CEP162: variants seen among roughly 807,000 people sequenced by gnomAD.
The protein encoded by CEP162 is centrosomal protein 162.
Under a neutral mutation model 169.2 loss-of-function variants are expected in CEP162, and 141 were observed. The observed-to-expected ratio is 0.83, with a 90% CI of 0.73 to 0.96. CEP162 has a LOEUF of 0.96. Among genes scored for constraint, CEP162 ranks in the 40% least tolerant of loss-of-function variants. CEP162 has a pLI of 0.00. For missense variants in CEP162, 1,600 were observed against 1,587.2 expected, an observed-to-expected ratio of 1.01 and a Z score of -0.14; for synonymous variants, 540 against 526.4, an observed-to-expected ratio of 1.03 and a Z score of -0.35.
intron 25 of CEP162, among the ~76,000 whole-genome samples, chr6:84,139,631 T>G (rs1280659123): frequency 6.6e-6 from 1 of 152,146 alleles, no homozygotes; most frequent in African/African-American, 2.4e-5. Context: ...AGGTAAGAAT[T>G]CTTACCAAAC....
At chr6:84,128,038 T>C (rs922838981) in intron 25 of CEP162, among the ~76,000 whole-genome samples, 1 of 152,224 alleles carries the variant, frequency 6.6e-6, no homozygotes, top group South Asian at 2.1e-4. Context: ...ACTCCTCACA[T>C]AAAATGTAAG....
intron 2 of CEP162, among the ~76,000 whole-genome samples, chr6:84,221,993 T>C (rs1294098268): frequency 1.3e-5 from 2 of 151,480 alleles, no homozygotes; most frequent in Admixed American, 6.6e-5. Context: ...GCATCTCCAG[T>C]GCCTAGCATA....
intron 2 of CEP162, 53 bp from the exon 3 acceptor site, chr6:84,221,224 C>A: frequency 1.1e-6 from 1 of 872,510 alleles, no homozygotes; most frequent in Non-Finnish European, 1.9e-6. Flanking sequence ...ATTCAAGAAT[C>A]TCAGATTCAT....
chr6:84,226,100 A>C (rs2099555629), intron 2 of CEP162, among the ~76,000 whole-genome samples: 1 of 151,994 alleles, frequency 6.6e-6, no homozygotes. Flanking sequence ...CTGGGGAGGA[A>C]CAGAGTCTGA....
At chr6:84,178,925 C>T (rs1165812653) in intron 13 of CEP162, among the ~76,000 whole-genome samples, 1 of 152,038 alleles carries the variant, frequency 6.6e-6, no homozygotes. Context: ...GTTTTTTGTC[C>T]TTGCGATAGT....
At chr6:84,185,584 G>T (rs1345366818) in intron 12 of CEP162, 136 bp from the exon 13 acceptor site, 3 of 716,920 alleles carry the variant, frequency 4.2e-6, no homozygotes, top group African/African-American at 1.8e-5. Flanking sequence ...CCATAGTTAA[G>T]TTCTTGAAGT....
At position 84,206,047 on chromosome 6, in the gene CEP162, C is replaced by A. The variant is rs1185182772; in HGVS notation, c.572-1951G>T. ...GGACCTCTTCAAGGAGAACTACAAACCCCTGCTCAACGAAATAAAAGAGGA... is the reference window on the plus strand; with the variant it reads ...GGACCTCTTCAAGGAGAACTACAAAACCCTGCTCAACGAAATAAAAGAGGA... On this transcript the variant is annotated intron_variant, in intron 6 of 26. Transcript: ENST00000403245. Among the ~76,000 whole-genome samples the A allele has an allele frequency of 1.2e-4, 18 of 148,102 alleles. 1 individual carries two copies. The highest frequency in any genetic ancestry group is 2.1e-4 in the Non-Finnish European group (14 of 68,002).
intron 26 of CEP162, among the ~76,000 whole-genome samples, chr6:84,125,727 A>C (rs1337444865): frequency 6.6e-6 from 1 of 152,142 alleles, no homozygotes; most frequent in Non-Finnish European, 1.5e-5. Context: ...GGCTATCTGC[A>C]AGCTGGAAAG....
At chr6:84,208,791 T>C (rs1424548857) in intron 6 of CEP162, among the ~76,000 whole-genome samples, 2 of 152,232 alleles carry the variant, frequency 1.3e-5, no homozygotes, top group Non-Finnish European at 1.5e-5. Context: ...TTTTCTAATA[T>C]CAGTAGACAT....
intron 25 of CEP162, among the ~76,000 whole-genome samples, chr6:84,135,061 C>T (rs2099513410): frequency 6.6e-6 from 1 of 151,722 alleles, no homozygotes; most frequent in Admixed American, 6.6e-5. Context: ...ACCATATCCA[C>T]AATATTTGTA....
At chr6:84,204,551 C>A (rs1047785229) in intron 6 of CEP162, among the ~76,000 whole-genome samples, 4 of 152,096 alleles carry the variant, frequency 2.6e-5, no homozygotes, top group Non-Finnish European at 5.9e-5. Flanking sequence ...ACACAACATA[C>A]CAGAATCTCT....
intron 21 of CEP162, among the ~76,000 whole-genome samples, chr6:84,157,595 G>C (rs9449810): frequency 0.016 from 2,405 of 152,066 alleles, 59 homozygotes; most frequent in African/African-American, 0.053. Context: ...GAACTGCTTG[G>C]ACCCAGGAGG....
intron 25 of CEP162, among the ~76,000 whole-genome samples, chr6:84,128,856 C>T (rs1289144471): frequency 6.6e-6 from 1 of 151,674 alleles, no homozygotes; most frequent in African/African-American, 2.4e-5. Flanking sequence ...CCCAACCCCC[C>T]GACAGGCCCC....
At chr6:84,188,967 T>C (rs992216479) in intron 11 of CEP162, among the ~76,000 whole-genome samples, 7 of 152,190 alleles carry the variant, frequency 4.6e-5, no homozygotes, top group African/African-American at 1.7e-4. Flanking sequence ...TTAATTTGTA[T>C]TTCTCTAATG....
chr6:84,200,120 G>C (rs2099543881), intron 9 of CEP162, among the ~76,000 whole-genome samples: 1 of 152,140 alleles, frequency 6.6e-6, no homozygotes, highest in Non-Finnish European at 1.5e-5. Context: ...TGGTGTGGTG[G>C]CAAGCGCCTG....
intron 9 of CEP162, among the ~76,000 whole-genome samples, chr6:84,200,177 G>A (rs1167271797): frequency 6.6e-6 from 1 of 152,192 alleles, no homozygotes; most frequent in Non-Finnish European, 1.5e-5. Flanking sequence ...ATGAACCTGG[G>A]AGATGGAGCT....
chr6:84,131,712 C>A (rs2099511553), intron 25 of CEP162, among the ~76,000 whole-genome samples: 1 of 152,136 alleles, frequency 6.6e-6, no homozygotes, highest in Admixed American at 6.5e-5. Context: ...CTTCCTCCAT[C>A]CCTTTATCTT....
In CEP162 at chr6:84,163,174, G is replaced by C. The variant is rs1441135984; in HGVS notation, c.2482C>G (p.Gln828Glu). 2.5e-6 allele frequency: 4 copies of C among 1,613,270 alleles called. No individual in the cohort carries two copies. Among genetic ancestry groups the C allele is most frequent in the Non-Finnish European group, 3.4e-6 (4 of 1,179,538 alleles). The stretch of plus-strand genomic sequence containing the variant: ...ACATAAGCAATCTGATCTTTGGCTT[G>C]GTCCCTCTCTTTCTTCATTTTTTCG... ...DFEKMKKERD[Q>E]AKDQIAYVTG... is the part of the protein sequence containing the mutation. The change falls in exon 19 of 27, where the codon CAA becomes GAA. Residue 828 changes from glutamine to glutamate, a missense_variant. Transcript: ENST00000403245.
intron 21 of CEP162, among the ~76,000 whole-genome samples, chr6:84,159,058 T>C (rs910282390): frequency 6.6e-6 from 1 of 151,528 alleles, no homozygotes; most frequent in Non-Finnish European, 1.5e-5. Context: ...TAAAAATAGA[T>C]AATTTATAAT....
Sources: gnomAD v4.1 joint callset for allele counts (sites outside exome capture counted in the v4.1 genomes callset) on GRCh38, gnomAD v4.1.1 for gene constraint, MANE v1.5 for transcripts, NCBI Gene and HGNC (gene_info 2026-07-23, HGNC 2026-07-21) for gene names.